Variants in TTC7B observed in about 807,000 individuals in gnomAD.
The protein encoded by TTC7B is tetratricopeptide repeat domain 7B, also known as tetratricopeptide repeat protein 7B.
TTC7B carries 28 observed loss-of-function variants against 106.8 expected under a neutral mutation model. The observed-to-expected ratio is 0.26, with a 90% CI of 0.19 to 0.36. TTC7B has a LOEUF of 0.36. TTC7B is among the 10% of genes least tolerant of loss of function. The probability of loss-of-function intolerance (pLI) is 1.00; values close to 1 mark genes in which losing one functional copy is unlikely to be tolerated. For missense variants in TTC7B, 862 were observed against 1,076.4 expected (o/e 0.80, Z 2.79); for synonymous variants, 405 against 430.6 (o/e 0.94, Z 0.74).
At chr14:90,549,261 G>A (rs918479262) in intron 19 of TTC7B, among the ~76,000 whole-genome samples, 7 of 152,240 alleles carry the variant, frequency 4.6e-5, no homozygotes, top group African/African-American at 1.7e-4. Flanking sequence ...AGGCAAGGGT[G>A]GTGGGGGCTG....
At chr14:90,722,199 A>G (rs1888923534) in intron 5 of TTC7B, among the ~76,000 whole-genome samples, 1 of 152,120 alleles carries the variant, frequency 6.6e-6, no homozygotes, top group Non-Finnish European at 1.5e-5. Flanking sequence ...ATCAACTTCC[A>G]TTCTGAAGCT....
chr14:90,569,584 G>A (rs1460840956), intron 19 of TTC7B: 2 of 152,228 alleles, frequency 1.3e-5, no homozygotes, highest in Non-Finnish European at 2.9e-5. Flanking sequence ...CATCATTTTG[G>A]TTTCTGGTTG....
At chr14:90,541,807 G>C (rs1889605032) in intron 19 of TTC7B, among the ~76,000 whole-genome samples, 1 of 152,246 alleles carries the variant, frequency 6.6e-6, no homozygotes, top group South Asian at 2.1e-4. Context: ...ATTCAGCCAT[G>C]TTTTGAATAT....
At position 90,624,079 on chromosome 14, in the gene TTC7B, CGT is replaced by C. The variant is rs1193003673; in HGVS notation, c.1752-6036_1752-6035del. 7.2e-5 allele frequency among the ~76,000 whole-genome samples: 11 copies of C among 152,048 alleles called. No individual in the cohort carries two copies. Among genetic ancestry groups the C allele is most frequent in the Admixed American group, 7.2e-4 (11 of 15,260 alleles). On this transcript the variant is annotated intron_variant, in intron 15 of 19. Transcript: ENST00000328459. This position sits in a 1 kb window ranked among gnomAD's most constrained non-coding sequence, Gnocchi z 4.0. The stretch of plus-strand genomic sequence containing the variant: ...CCATGAGTGTGCCTGTATGCATATG[CGT>C]GTGCGTGTATATGTGTGCATGTGTG...
chr14:90,788,955 C>T (rs1891485171), intron 1 of TTC7B, among the ~76,000 whole-genome samples: 1 of 148,746 alleles, frequency 6.7e-6, no homozygotes, highest in South Asian at 2.1e-4. Flanking sequence ...GAGTGAGACT[C>T]CATCTCAAAA....
At chr14:90,785,301 G>A (rs1033102500) in intron 2 of TTC7B, among the ~76,000 whole-genome samples, 12 of 152,130 alleles carry the variant, frequency 7.9e-5, no homozygotes, top group African/African-American at 1.4e-4. Flanking sequence ...AGAGGATTCC[G>A]AGACAGGAAG....
intron 6 of TTC7B, among the ~76,000 whole-genome samples, chr14:90,694,904 TCA>T (rs1475730767): frequency 5.3e-5 from 3 of 56,222 alleles, no homozygotes; most frequent in African/African-American, 1.9e-4. Context: ...CACATATATG[TCA>T]CATATATTTA....
Position 90,526,306 on chromosome 14 carries a change from G to A in TTC7B, c.*15062C>T, listed in dbSNP as rs562543337. On this transcript the variant is annotated 3_prime_UTR_variant, in exon 20 of 20. Transcript: ENST00000328459. ...ATGTTGAACATTTCTTCATGTGCTT[G>A]TTGGCCTAGACCTTACTTTAAAAAA... 2 of 152,048 alleles carry A rather than the reference G, an allele frequency of 1.3e-5. No individual in the cohort carries two copies. The highest frequency in any genetic ancestry group is 4.8e-5 in the African/African-American group (2 of 41,388). 9.4% of individuals were successfully genotyped at this position (152,048 alleles called of 1,614,324 possible).
chr14:90,643,258 A>T (rs887611838), intron 15 of TTC7B, among the ~76,000 whole-genome samples: 23 of 152,008 alleles, frequency 1.5e-4, no homozygotes, highest in Admixed American at 3.3e-4. Flanking sequence ...AATACAAAAA[A>T]TTAGCTGGGT....
intron 3 of TTC7B, among the ~76,000 whole-genome samples, chr14:90,765,774 A>G (rs1429108005): frequency 6.6e-6 from 1 of 152,190 alleles, no homozygotes; most frequent in Non-Finnish European, 1.5e-5. Context: ...TGTCCTCCAA[A>G]TATTGGGTAT....
chr14:90,538,241 CGGATGGATGGATGGATGGAT>C lies in TTC7B; in HGVS notation c.*3107_*3126del, dbSNP rs71117363. On this transcript the variant is annotated 3_prime_UTR_variant, in exon 20 of 20. Coordinates refer to ENST00000328459, the MANE Select transcript of TTC7B (RefSeq NM_001010854.2). ...GCGTCCTCATCTATTAATGGATGGACGGATGGATGGATGGATGGATGGATGGATGGATGGATGGATGGACG... is the reference window on the plus strand; with the variant it reads ...GCGTCCTCATCTATTAATGGATGGACGGATGGATGGATGGATGGATGGACG... The C allele has an allele frequency of 4.7e-5, 7 of 149,576 alleles. No homozygotes were observed. In the South Asian group the frequency reaches 8.6e-4, roughly 18 times the overall value. 9.3% of individuals were successfully genotyped at this position (149,576 alleles called of 1,614,324 possible). A position where few individuals can be genotyped will look rare whatever the true frequency, so the allele number is the denominator to read the frequency against.
At chr14:90,692,250 C>A (rs1887504359) in intron 6 of TTC7B, among the ~76,000 whole-genome samples, 2 of 152,162 alleles carry the variant, frequency 1.3e-5, no homozygotes, top group Admixed American at 1.3e-4. Context: ...CTCTGTCACC[C>A]AGGCTGGAGT....
At chr14:90,778,316 A>C (rs889262145) in intron 3 of TTC7B, among the ~76,000 whole-genome samples, 12 of 152,122 alleles carry the variant, frequency 7.9e-5, no homozygotes, top group African/African-American at 2.9e-4. Context: ...ACCCAGGGCC[A>C]GGCTCGGGGC....
At chr14:90,725,721 C>T (rs1889073492) in intron 5 of TTC7B, among the ~76,000 whole-genome samples, 1 of 152,142 alleles carries the variant, frequency 6.6e-6, no homozygotes, top group African/African-American at 2.4e-5. Flanking sequence ...TGGTACAACC[C>T]CATGGGTGCA....
At chr14:90,732,263 G>A (rs1889356304) in intron 4 of TTC7B, among the ~76,000 whole-genome samples, 1 of 152,104 alleles carries the variant, frequency 6.6e-6, no homozygotes, top group African/African-American at 2.4e-5. Context: ...TCTCAACTAT[G>A]TCTGTGACTA....
chr14:90,666,307 G>A (rs2401900), intron 9 of TTC7B, among the ~76,000 whole-genome samples: 52,989 of 151,992 alleles, frequency 0.35, 10,088 homozygotes, highest in East Asian at 0.59. Flanking sequence ...GATTACAGGC[G>A]TGCGCCACCA....
intron 15 of TTC7B, 43 bp downstream of exon 15, chr14:90,644,005 A>G (rs1885310285): frequency 1.9e-6 from 3 of 1,609,992 alleles, no homozygotes; most frequent in Non-Finnish European, 2.6e-6. Context: ...AGTAAATTTA[A>G]TAACTTCTGA....
intron 5 of TTC7B, among the ~76,000 whole-genome samples, chr14:90,709,955 TA>T (rs71461918): frequency 1.1e-3 from 114 of 105,890 alleles, no homozygotes; most frequent in Middle Eastern, 0.011. Context: ...TCTCTTTCGT[TA>T]AAAAAAAAAA....
chr14:90,779,039 T>C (rs1353591326), intron 3 of TTC7B, among the ~76,000 whole-genome samples: 1 of 152,196 alleles, frequency 6.6e-6, no homozygotes, highest in Admixed American at 6.5e-5. Flanking sequence ...CTCATGACTG[T>C]GCTGGAGGGA....
Sources: allele counts gnomAD v4.1 joint callset (sites outside exome capture counted in the v4.1 genomes callset), GRCh38; gene constraint gnomAD v4.1.1; non-coding constraint Gnocchi (gnomAD v3.1); transcripts MANE v1.5; gene names NCBI Gene and HGNC (gene_info 2026-07-23, HGNC 2026-07-21).